The following GREM2 variants were observed in gnomAD, a reference collection of about 807,000 sequenced individuals.
GREM2 encodes gremlin-2.
A neutral mutation model predicts 14.2 loss-of-function variants in GREM2; 11 were observed. That is an observed-to-expected ratio of 0.78 (90% CI 0.49 to 1.28). GREM2 has a LOEUF of 1.28. Among genes scored for constraint, GREM2 ranks in the 50% most tolerant of loss-of-function variants. The pLI is 0.00. For synonymous variants in GREM2, 98 were observed against 97.6 expected, an observed-to-expected ratio of 1.00 and a Z score of -0.02; for missense variants, 210 against 218.5, an observed-to-expected ratio of 0.96 and a Z score of 0.24.
chr1:240,600,051 G>A (rs142372614), intron 1 of GREM2, among the ~76,000 whole-genome samples: 204 of 152,248 alleles, frequency 1.3e-3, no homozygotes, highest in African/African-American at 4.6e-3. Flanking sequence ...TTCATGTACC[G>A]TTGGTTTAGG....
chr1:240,564,719 T>C (rs1679142510), intron 1 of GREM2, among the ~76,000 whole-genome samples: 1 of 152,174 alleles, frequency 6.6e-6, no homozygotes, highest in South Asian at 2.1e-4. Context: ...CTGTAACACC[T>C]GCAAAGGCAA....
At chr1:240,566,239 G>A (rs1679175782) in intron 1 of GREM2, among the ~76,000 whole-genome samples, 1 of 152,076 alleles carries the variant, frequency 6.6e-6, no homozygotes, top group South Asian at 2.1e-4. Flanking sequence ...TGGAGTAAAG[G>A]GACTTAATTT....
At chr1:240,573,221 G>A (rs1209100967) in intron 1 of GREM2, among the ~76,000 whole-genome samples, 4 of 152,150 alleles carry the variant, frequency 2.6e-5, no homozygotes, top group African/African-American at 9.7e-5. Context: ...CCAGCACTCT[G>A]GGAGGCCAAA....
chr1:240,536,823 G>A (rs539507685), intron 1 of GREM2, among the ~76,000 whole-genome samples: 1 of 152,328 alleles, frequency 6.6e-6, no homozygotes, highest in South Asian at 2.1e-4. Flanking sequence ...ATTTAAAAGA[G>A]GCAAATGTTG....
At chr1:240,558,825 G>T (rs2103347356) in intron 1 of GREM2, among the ~76,000 whole-genome samples, 1 of 152,048 alleles carries the variant, frequency 6.6e-6, no homozygotes, top group East Asian at 1.9e-4. Flanking sequence ...TTAAAATAAT[G>T]ATAATAAACT....
In GREM2 at chr1:240,493,197, G is replaced by T; in HGVS notation, c.279C>A (p.Leu93=). 6.2e-7 allele frequency: 1 copy of T among 1,614,182 alleles called. No homozygotes were observed. Among genetic ancestry groups the T allele is most frequent in the East Asian group, 2.2e-5 (1 of 44,862 alleles). ...TGCACTGGCCGTAGCAGAAGCGGTTGAGGATGGTGCGGCTCCGGCAGCCCT... is the reference window on the plus strand; with the variant it reads ...TGCACTGGCCGTAGCAGAAGCGGTTTAGGATGGTGCGGCTCCGGCAGCCCT... ...SEEGCRSRTI[L]NRFCYGQCNS... Residue 93 remains leucine (L), a synonymous_variant, in exon 2 of 2, where the codon CTC becomes CTA. Transcript: ENST00000318160.
At chr1:240,501,871 A>T (rs1677576668) in intron 1 of GREM2, among the ~76,000 whole-genome samples, 1 of 152,202 alleles carries the variant, frequency 6.6e-6, no homozygotes, top group South Asian at 2.1e-4. Flanking sequence ...CCGAGCAAAA[A>T]GGACCATGAG....
At chr1:240,579,739 GC>G (rs2103375445) in intron 1 of GREM2, among the ~76,000 whole-genome samples, 1 of 152,336 alleles carries the variant, frequency 6.6e-6, no homozygotes, top group South Asian at 2.1e-4. Context: ...GTTCATCAGA[GC>G]TTGAAGGCGT....
chr1:240,501,419 A>C (rs1304836126), intron 1 of GREM2, among the ~76,000 whole-genome samples: 2 of 152,226 alleles, frequency 1.3e-5, no homozygotes, highest in East Asian at 3.8e-4. Context: ...TTTTCTTAAA[A>C]AGGTTTTCAA....
chr1:240,500,872 C>A lies in GREM2; in HGVS notation c.-1-7396G>T, dbSNP rs561742072. 1.1e-4 allele frequency among the ~76,000 whole-genome samples: 17 copies of A among 152,160 alleles called. No individual in the cohort carries two copies. In the South Asian group the frequency reaches 3.5e-3, roughly 32 times the overall value. On this transcript the variant is annotated intron_variant, in intron 1 of 1. Coordinates refer to ENST00000318160, the MANE Select transcript of GREM2 (RefSeq NM_022469.4). ...GAGTTTTTCTAGAGGAGGCACCGGG[C>A]GGTGGAAATGCTGGGTCACAGGATA...
chr1:240,498,377 T>C (rs1018363416), intron 1 of GREM2, among the ~76,000 whole-genome samples: 1 of 152,110 alleles, frequency 6.6e-6, no homozygotes, highest in African/African-American at 2.4e-5. Context: ...CCTTCACACA[T>C]AGCAATAGTA....
At chr1:240,517,084 A>G (rs1454133183) in intron 1 of GREM2, among the ~76,000 whole-genome samples, 1 of 152,224 alleles carries the variant, frequency 6.6e-6, no homozygotes, top group Non-Finnish European at 1.5e-5. Flanking sequence ...AAGGTAATAC[A>G]TATCAGGCTT....
chr1:240,607,708 A>G (rs1185846096), intron 1 of GREM2, among the ~76,000 whole-genome samples: 1 of 152,212 alleles, frequency 6.6e-6, no homozygotes, highest in African/African-American at 2.4e-5. Context: ...TTTTTCGTCT[A>G]TTAGATGGAT....
chr1:240,554,569 A>C (rs1356317901), intron 1 of GREM2, among the ~76,000 whole-genome samples: 1 of 152,128 alleles, frequency 6.6e-6, no homozygotes, highest in Non-Finnish European at 1.5e-5. Flanking sequence ...ATGTTTTTTC[A>C]TAAGTAGGTG....
chr1:240,528,004 T>C (rs1572383531), intron 1 of GREM2, among the ~76,000 whole-genome samples: 1 of 152,268 alleles, frequency 6.6e-6, no homozygotes, highest in Non-Finnish European at 1.5e-5. Context: ...TTTTCAGAGA[T>C]ACAGAAAATT....
chr1:240,494,486 G>A (rs551289246), intron 1 of GREM2, among the ~76,000 whole-genome samples: 16 of 152,302 alleles, frequency 1.1e-4, no homozygotes, highest in African/African-American at 3.8e-4. Flanking sequence ...AGATAGAACT[G>A]GACATAGGCT....
chr1:240,537,735 A>C (rs1009809769), intron 1 of GREM2, among the ~76,000 whole-genome samples: 19 of 152,168 alleles, frequency 1.2e-4, no homozygotes, highest in Non-Finnish European at 2.4e-4. Flanking sequence ...CAGTGAGCCG[A>C]GATGGCGCCA....
intron 1 of GREM2, among the ~76,000 whole-genome samples, chr1:240,539,125 C>T (rs916236555): frequency 1.3e-5 from 2 of 152,268 alleles, no homozygotes; most frequent in East Asian, 3.9e-4. Flanking sequence ...TAAAGCCAAG[C>T]CTTGTGCACT....
intron 1 of GREM2, among the ~76,000 whole-genome samples, chr1:240,582,433 C>T (rs1434877097): frequency 1.3e-5 from 2 of 151,602 alleles, no homozygotes; most frequent in Non-Finnish European, 2.9e-5. Context: ...GAAACTCCAT[C>T]ACACACACAC....
Sources: allele counts gnomAD v4.1 joint callset (sites outside exome capture counted in the v4.1 genomes callset), GRCh38; gene constraint gnomAD v4.1.1; transcripts MANE v1.5; gene names NCBI Gene and HGNC (gene_info 2026-07-23, HGNC 2026-07-21).